The following NUP42 variants were observed in gnomAD, a reference collection of about 807,000 sequenced individuals.
NUP42 encodes nucleoporin NUP42.
Under a neutral mutation model 35.9 loss-of-function variants are expected in NUP42, and 47 were observed. The ratio of observed to expected loss-of-function variants is 1.31; its 90% CI spans 1.04 to 1.67. NUP42 has a LOEUF of 1.67. Among genes scored for constraint, NUP42 ranks in the 40% most tolerant of loss-of-function variants. NUP42 has a pLI of 0.00. For missense variants in NUP42, 514 were observed against 492.2 expected (o/e 1.04, Z -0.42); for synonymous variants, 173 against 173.3 (o/e 1.00, Z 0.01).
intron 5 of NUP42, among the ~76,000 whole-genome samples, chr7:23,199,103 T>G (rs952754207): frequency 4.6e-5 from 7 of 152,232 alleles, no homozygotes; most frequent in African/African-American, 1.7e-4. Flanking sequence ...TTTGCCTTTT[T>G]TAATGCACTT....
intron 3 of NUP42, among the ~76,000 whole-genome samples, chr7:23,193,538 CAG>C (rs1785888497): frequency 6.6e-6 from 1 of 152,230 alleles, no homozygotes; most frequent in Non-Finnish European, 1.5e-5. Context: ...GACCTACACA[CAG>C]GGTGCTGATT....
In NUP42 at chr7:23,200,261, C is replaced by A; in HGVS notation, c.788C>A (p.Ala263Asp). Residue 263 changes from alanine to aspartate, a missense_variant, in exon 7 of 7, where the codon GCT becomes GAT. Transcript: ENST00000258742. ...GCTGCTGCCTCTTCTGGAAGCCCTGCTGGTTTTGGGAGTTCCCCAGCATTT... is the reference window on the plus strand; with the variant it reads ...GCTGCTGCCTCTTCTGGAAGCCCTGATGGTTTTGGGAGTTCCCCAGCATTT... Reference protein sequence around the residue: ...GFAAASSGSPAGFGSSPAFGA... With the variant: ...GFAAASSGSPDGFGSSPAFGA... 1.2e-6 allele frequency: 2 copies of A among 1,603,494 alleles called. No individual in the cohort carries two copies. The highest frequency in any genetic ancestry group is 1.3e-5 in the African/African-American group (1 of 74,924).
At position 23,182,131 on chromosome 7, in the gene NUP42, G is replaced by C. The variant is rs368129535; in HGVS notation, c.46G>C (p.Asp16His). Residue 16 changes from aspartate (D) to histidine (H), a missense_variant, in exon 1 of 7, where the codon GAT (aspartate) becomes CAT (histidine). Physicochemically the swap from Asp to His is moderately conservative, Grantham distance 81. Coordinates refer to ENST00000258742, the MANE Select transcript of NUP42 (RefSeq NM_007342.3). Reference sequence around the variant, plus strand: ...CCTTCAAGGCCGGTGCCGCTTTGGAGATCGGTGCTGGAACGAACATCCCGG... The same window carrying C: ...CCTTCAAGGCCGGTGCCGCTTTGGACATCGGTGCTGGAACGAACATCCCGG... ...FFLQGRCRFG[D>H]RCWNEHPGAR... 1.3e-5 allele frequency: 21 copies of C among 1,614,220 alleles called. No individual in the cohort carries two copies. The African/African-American group carries it at 2.8e-4, about 22-fold the overall frequency.
At chr7:23,188,492 G>A in intron 3 of NUP42, 9 of 985,332 alleles carry the variant, frequency 9.1e-6, no homozygotes, top group Non-Finnish European at 1.1e-5. Context: ...ATTCCAAATT[G>A]AACCTAATGC....
Position 23,185,138 on chromosome 7 carries a change from T to C in NUP42, c.190T>C (p.Ser64Pro), listed in dbSNP as rs937482627. Reference protein sequence around the residue: ...YSNVIQPSSFSKSTPWGGSRD... With the variant: ...YSNVIQPSSFPKSTPWGGSRD... ...CAATGTCATCCAGCCATCCAGTTTC[T>C]CCAAATCCACACCATGGGGGGGCAG... The change falls in exon 2 of 7, where the codon TCC becomes CCC. Residue 64 changes from serine to proline, a missense_variant. Transcript: ENST00000258742. 4.3e-6 allele frequency: 7 copies of C among 1,614,064 alleles called. No homozygotes were observed. Among genetic ancestry groups the C allele is most frequent in the African/African-American group, 1.3e-5 (1 of 74,926 alleles).
intron 3 of NUP42, chr7:23,188,025 G>C: frequency 1.2e-6 from 1 of 841,050 alleles, no homozygotes; most frequent in Middle Eastern, 3.8e-4. Context: ...TTTTTTTTTT[G>C]TCCATAGTCC....
At chr7:23,193,832 G>C (rs886391535) in intron 3 of NUP42, among the ~76,000 whole-genome samples, 1 of 152,244 alleles carries the variant, frequency 6.6e-6, no homozygotes, top group African/African-American at 2.4e-5. Flanking sequence ...ACGGAGGTGA[G>C]GGGGAGGCTC....
intron 1 of NUP42, among the ~76,000 whole-genome samples, chr7:23,183,507 G>C (rs1000373130): frequency 6.6e-6 from 1 of 152,152 alleles, no homozygotes; most frequent in African/African-American, 2.4e-5. Flanking sequence ...AGGCGTGAGC[G>C]ACCGCGGCGG....
Position 23,199,524 on chromosome 7 carries a change from G to A in NUP42, c.676G>A (p.Ala226Thr). ...PAFGFGSSQA[A>T]TFMSPGFPVN... is the part of the protein sequence containing the mutation. ...ATTTGGATTTGGCAGCAGTCAAGCAGCAACATTTATGTCGCCAGGTAAGTG... is the reference window on the plus strand; with the variant it reads ...ATTTGGATTTGGCAGCAGTCAAGCAACAACATTTATGTCGCCAGGTAAGTG... Residue 226 changes from alanine to threonine, a missense_variant, in exon 6 of 7, where the codon GCA becomes ACA. Ala to Thr is a moderately conservative substitution (Grantham distance 58). Coordinates refer to ENST00000258742, the MANE Select transcript of NUP42 (RefSeq NM_007342.3). The A allele has an allele frequency of 6.2e-7, 1 of 1,613,826 alleles. No homozygotes were observed. Among genetic ancestry groups the A allele is most frequent in the East Asian group, 2.2e-5 (1 of 44,874 alleles).
rs2128475337 is a variant in NUP42 at position 23,200,193 on chromosome 7, T to G, written c.720T>G (p.Ser240Arg). 1 of 1,596,432 alleles carries G rather than the reference T, an allele frequency of 6.3e-7. No individual in the cohort carries two copies. Among genetic ancestry groups the G allele is most frequent in the South Asian group, 1.1e-5 (1 of 88,306 alleles). ...SPGFPVNNSS[S>R]DNAQNFSFKT... ...GCTTTCCAGTCAATAACAGCAGCAGTGATAATGCTCAGAACTTTAGTTTTA... is the reference window on the plus strand; with the variant it reads ...GCTTTCCAGTCAATAACAGCAGCAGGGATAATGCTCAGAACTTTAGTTTTA... The change falls in exon 7 of 7, where the codon AGT (serine) becomes AGG (arginine). Residue 240 changes from serine (S) to arginine (R), a missense_variant. By Grantham distance (110) the Ser-to-Arg change is moderately radical. Transcript: ENST00000258742.
chr7:23,189,912 C>CAA (rs201659228), intron 3 of NUP42, among the ~76,000 whole-genome samples: 83 of 87,036 alleles, frequency 9.5e-4, no homozygotes, highest in Admixed American at 2.8e-3. Context: ...GACTCTGTCT[C>CAA]AAAAAAAAAA....
intron 3 of NUP42, chr7:23,188,255 C>A: frequency 8.1e-7 from 1 of 1,240,224 alleles, no homozygotes. Flanking sequence ...ATTCACTTGT[C>A]CATTTAACAA....
chr7:23,191,329 T>C (rs1168003916), intron 3 of NUP42, among the ~76,000 whole-genome samples: 1 of 152,158 alleles, frequency 6.6e-6, no homozygotes, highest in Non-Finnish European at 1.5e-5. Context: ...TTGGGAGCCG[T>C]GGCAAAAGTA....
chr7:23,183,482 A>T (rs567068692), intron 1 of NUP42, among the ~76,000 whole-genome samples: 1 of 152,138 alleles, frequency 6.6e-6, no homozygotes, highest in East Asian at 1.9e-4. Context: ...CCGTCTTTCA[A>T]AGTGCTGGGA....
rs1306406157 is a variant in NUP42, at chr7:23,200,385, A to AT, written c.912_913insT (p.Ser305Ter). On this transcript the variant is annotated frameshift_variant, in exon 7 of 7. Coordinates refer to ENST00000258742, the MANE Select transcript of NUP42 (RefSeq NM_007342.3). LOFTEE classifies it low-confidence loss of function (END_TRUNC). ...CATCGGCTGCATCATTTTCATTCAAAAGCCCTGCAGCTTCCAGTTTTGGAT... is the reference window on the plus strand; with the variant it reads ...CATCGGCTGCATCATTTTCATTCAAATAGCCCTGCAGCTTCCAGTTTTGGAT... 8 of 1,614,064 alleles carry AT rather than the reference A, an allele frequency of 5.0e-6. No individual in the cohort carries two copies. Among genetic ancestry groups the AT allele is most frequent in the Non-Finnish European group, 6.8e-6 (8 of 1,179,990 alleles).
chr7:23,187,875 G>A (rs1367920232), intron 3 of NUP42, among the ~76,000 whole-genome samples: 1 of 151,828 alleles, frequency 6.6e-6, no homozygotes, highest in Non-Finnish European at 1.5e-5. Flanking sequence ...TAAAGTGCTG[G>A]GATTATAGGC....
Position 23,199,460 on chromosome 7 carries a change from C to G in NUP42, c.612C>G (p.Leu204=), listed in dbSNP as rs774197609. The G allele has an allele frequency of 1.9e-6, 3 of 1,610,984 alleles. No homozygotes were observed. In the African/African-American group the frequency reaches 4.0e-5, roughly 22 times the overall value. ...SLNISTKVAL[L]SDVKDGVNQA... is the part of the protein sequence containing the mutation. ...ATTTGCACACTTTTTTTTTTCAGCT[C>G]TCTGATGTAAAGGATGGAGTAAATC... The change falls in exon 6 of 7, where the codon CTC becomes CTG. Residue 204 remains leucine (L), a splice_region_variant and synonymous_variant. Transcript: ENST00000258742.
intron 1 of NUP42, among the ~76,000 whole-genome samples, chr7:23,182,911 A>G (rs1385781513): frequency 2.0e-5 from 3 of 147,648 alleles, no homozygotes; most frequent in Non-Finnish European, 4.5e-5. Flanking sequence ...GAGACTATCA[A>G]AAAAAAAAAA....
At chr7:23,199,821 C>T (rs948650867) in intron 6 of NUP42, among the ~76,000 whole-genome samples, 3 of 152,206 alleles carry the variant, frequency 2.0e-5, no homozygotes, top group Non-Finnish European at 4.4e-5. Context: ...CCTTTGAGAA[C>T]TTTCTTGTCA....
Sources: allele counts gnomAD v4.1 joint callset (sites outside exome capture counted in the v4.1 genomes callset), GRCh38; gene constraint gnomAD v4.1.1; transcripts MANE v1.5; gene names NCBI Gene and HGNC (gene_info 2026-07-23, HGNC 2026-07-21).